Variants in TMEM38B observed in about 807,000 individuals in gnomAD.
TMEM38B encodes the protein trimeric intracellular cation channel type B.
A neutral mutation model predicts 28.7 loss-of-function variants in TMEM38B; 24 were observed. The ratio of observed to expected loss-of-function variants is 0.84; its 90% CI spans 0.61 to 1.18. The LOEUF is 1.18. TMEM38B is among the 50% of genes most tolerant of loss of function. The probability of loss-of-function intolerance (pLI) is 0.00; values close to 1 mark genes in which losing one functional copy is unlikely to be tolerated. For missense variants in TMEM38B, 380 were observed against 350.9 expected, an observed-to-expected ratio of 1.08 and a Z score of -0.66; for synonymous variants, 131 against 127.7, an observed-to-expected ratio of 1.03 and a Z score of -0.17.
chr9:105,759,259 C>G, intron 5 of TMEM38B: 1 of 721,648 alleles, frequency 1.4e-6, no homozygotes, highest in African/African-American at 1.8e-5. Context: ...GTCATAGTTT[C>G]AGATAGATCC....
intron 4 of TMEM38B, among the ~76,000 whole-genome samples, chr9:105,738,354 G>C (rs1837061459): frequency 6.6e-6 from 1 of 152,140 alleles, no homozygotes; most frequent in Non-Finnish European, 1.5e-5. Context: ...GGGAAGTAGT[G>C]GTGGAGACAA....
chr9:105,760,186 A>G, intron 5 of TMEM38B: 2 of 915,564 alleles, frequency 2.2e-6, no homozygotes, highest in Non-Finnish European at 3.7e-6. Flanking sequence ...AATGCGTATG[A>G]TTTCCCAAAT....
intron 4 of TMEM38B, among the ~76,000 whole-genome samples, chr9:105,747,361 T>C (rs10816317): frequency 0.41 from 60,477 of 147,772 alleles, 12,835 homozygotes; most frequent in African/African-American, 0.67. Context: ...AGTTTATTTG[T>C]GTAGAGGTGT....
At chr9:105,750,336 G>A (rs1402146660) in intron 5 of TMEM38B, among the ~76,000 whole-genome samples, 1 of 151,148 alleles carries the variant, frequency 6.6e-6, no homozygotes, top group African/African-American at 2.4e-5. Flanking sequence ...GTAAAATTTT[G>A]TTGAAGGCCG....
chr9:105,728,241 C>T (rs1256869067), intron 4 of TMEM38B, among the ~76,000 whole-genome samples: 1 of 151,988 alleles, frequency 6.6e-6, no homozygotes, highest in African/African-American at 2.4e-5. Flanking sequence ...ATCTCTCTCC[C>T]AGCCCCCCAG....
At chr9:105,714,003 G>A (rs1664879277) in intron 2 of TMEM38B, among the ~76,000 whole-genome samples, 1 of 152,188 alleles carries the variant, frequency 6.6e-6, no homozygotes, top group South Asian at 2.1e-4. Flanking sequence ...TGAGCACGGA[G>A]GAGTTACCCT....
At chr9:105,695,018 A>G (rs1270634886) in intron 1 of TMEM38B, among the ~76,000 whole-genome samples, 2 of 152,224 alleles carry the variant, frequency 1.3e-5, no homozygotes, top group African/African-American at 4.8e-5. Context: ...GGGGTCCGCG[A>G]GGCCGTAGCC....
intron 2 of TMEM38B, among the ~76,000 whole-genome samples, chr9:105,711,945 G>A (rs1006995175): frequency 2.0e-5 from 3 of 151,580 alleles, no homozygotes; most frequent in South Asian, 2.1e-4. Context: ...TTCTGGAGAC[G>A]GAGTCTTGCT....
At chr9:105,749,205 A>G (rs1469022763) in intron 5 of TMEM38B, 5 of 887,946 alleles carry the variant, frequency 5.6e-6, no homozygotes, top group Non-Finnish European at 7.8e-6. Context: ...AGCTTTATTG[A>G]GATATATTTT....
chr9:105,725,272 CCCCTT>C (rs1181306296), intron 4 of TMEM38B, among the ~76,000 whole-genome samples: 2 of 151,448 alleles, frequency 1.3e-5, no homozygotes, highest in Non-Finnish European at 2.9e-5. Flanking sequence ...ATTCTCCCCT[CCCCTT>C]GGCTCCTCCT....
At chr9:105,710,797 C>T in intron 2 of TMEM38B, 1 of 470,148 alleles carries the variant, frequency 2.1e-6, no homozygotes, top group Middle Eastern at 4.1e-4. Context: ...CTGCGTGTCT[C>T]CACTGGGTGC....
At chr9:105,708,449 T>C (rs1241287805) in intron 2 of TMEM38B, among the ~76,000 whole-genome samples, 3 of 152,192 alleles carry the variant, frequency 2.0e-5, no homozygotes, top group African/African-American at 7.2e-5. Flanking sequence ...CCCCTACAGA[T>C]ACTGAGGGAC....
intron 4 of TMEM38B, 93 bp downstream of exon 4, chr9:105,722,714 G>A: frequency 1.1e-6 from 1 of 947,426 alleles, no homozygotes. Flanking sequence ...TTTAAATGTG[G>A]GTGGAATATA....
rs12345515 is a variant in TMEM38B at position 105,742,636 on chromosome 9, C to G, written c.543-5437C>G. On this transcript the variant is annotated intron_variant, in intron 4 of 5. Coordinates refer to ENST00000374692, the MANE Select transcript of TMEM38B (RefSeq NM_018112.3). ...CTTCTTCCTAAATTTAAGCCCTTCT[C>G]CAATGCCTTGCCCCAGTGCATTTTC... Among the ~76,000 whole-genome samples the G allele has an allele frequency of 9.6e-3, 1,462 of 152,258 alleles. 22 individuals carry two copies. Among genetic ancestry groups the G allele is most frequent in the African/African-American group, 0.033 (1,384 of 41,544 alleles).
intron 5 of TMEM38B, among the ~76,000 whole-genome samples, chr9:105,748,671 C>T (rs112270817): frequency 1.3e-3 from 201 of 152,204 alleles, no homozygotes; most frequent in African/African-American, 4.6e-3. Context: ...GGTTCAAATC[C>T]CAGTTTTGCT....
At chr9:105,766,285 AG>A (rs1826368662) in intron 5 of TMEM38B, among the ~76,000 whole-genome samples, 1 of 152,330 alleles carries the variant, frequency 6.6e-6, no homozygotes, top group South Asian at 2.1e-4. Flanking sequence ...TGGTATTATC[AG>A]TCATTTTAAT....
At chr9:105,766,246 C>A (rs1564419045) in intron 5 of TMEM38B, among the ~76,000 whole-genome samples, 1 of 152,186 alleles carries the variant, frequency 6.6e-6, no homozygotes, top group East Asian at 1.9e-4. Context: ...TATGAGAGTT[C>A]TGATTGTCCT....
intron 4 of TMEM38B, among the ~76,000 whole-genome samples, chr9:105,731,208 A>G (rs908608113): frequency 2.0e-5 from 3 of 152,006 alleles, no homozygotes; most frequent in African/African-American, 4.8e-5. Context: ...ATTTAGTGCT[A>G]TAAATTTCCC....
chr9:105,770,097 C>A lies in TMEM38B; in HGVS notation c.661-3768C>A, dbSNP rs985841664. Among the ~76,000 whole-genome samples the A allele has an allele frequency of 8.9e-4, 135 of 151,886 alleles. 1 individual carries two copies. The highest frequency in any genetic ancestry group is 3.2e-3 in the African/African-American group (133 of 41,426). On this transcript the variant is annotated intron_variant, in intron 5 of 5. Coordinates refer to ENST00000374692, the MANE Select transcript of TMEM38B (RefSeq NM_018112.3). ...TACATTGAATAAGGTGTAATGTATACATTTTATTCATTGATGTATTGAATA... is the reference window on the plus strand; with the variant it reads ...TACATTGAATAAGGTGTAATGTATAAATTTTATTCATTGATGTATTGAATA...
Sources: allele counts gnomAD v4.1 joint callset (sites outside exome capture counted in the v4.1 genomes callset), GRCh38; gene constraint gnomAD v4.1.1; transcripts MANE v1.5; gene names NCBI Gene and HGNC (gene_info 2026-07-23, HGNC 2026-07-21).